SGCD: variants seen among roughly 807,000 people sequenced by gnomAD.
SGCD encodes the protein sarcoglycan delta.
Under a neutral mutation model 36.6 loss-of-function variants are expected in SGCD, and 18 were observed. That is an observed-to-expected ratio of 0.49 (90% CI 0.34 to 0.73). The LOEUF is 0.73. Among genes scored for constraint, SGCD ranks in the 30% least tolerant of loss-of-function variants. The probability of loss-of-function intolerance (pLI) is 0.01; values close to 1 mark genes in which losing one functional copy is unlikely to be tolerated. For synonymous variants in SGCD, 133 were observed against 130.6 expected, an observed-to-expected ratio of 1.02 and a Z score of -0.12; for missense variants, 387 against 346.7, an observed-to-expected ratio of 1.12 and a Z score of -0.92.
At chr5:156,374,800 A>T (rs1288870831) in intron 3 of SGCD, among the ~76,000 whole-genome samples, 4 of 151,810 alleles carry the variant, frequency 2.6e-5, no homozygotes, top group African/African-American at 9.7e-5. Flanking sequence ...TTTGCCCCTG[A>T]CATGCTGACA....
chr5:155,739,002 G>T, the SGCD span, among the ~76,000 whole-genome samples: 2 of 151,884 alleles, frequency 1.3e-5, no homozygotes, highest in Non-Finnish European at 2.9e-5. Context: ...GCCAGGGAAG[G>T]CTTCACTAAA....
the SGCD span, among the ~76,000 whole-genome samples, chr5:155,779,618 T>C: frequency 6.6e-6 from 1 of 152,168 alleles, no homozygotes; most frequent in Non-Finnish European, 1.5e-5. Context: ...CCTGCACATG[T>C]TCCCTTATAA....
chr5:156,103,804 G>A (rs1356001759), intron 1 of SGCD, among the ~76,000 whole-genome samples: 4 of 151,984 alleles, frequency 2.6e-5, no homozygotes, highest in Non-Finnish European at 4.4e-5. Flanking sequence ...CCTGGAAATT[G>A]GAATATTGTT....
chr5:156,094,191 G>A (rs993466415), intron 1 of SGCD, among the ~76,000 whole-genome samples: 2 of 152,172 alleles, frequency 1.3e-5, no homozygotes, highest in Non-Finnish European at 2.9e-5. Flanking sequence ...CGGGGCTGCT[G>A]CTGCAGCCTT....
At chr5:156,668,419 C>T (rs1377978272) in intron 7 of SGCD, among the ~76,000 whole-genome samples, 2 of 152,056 alleles carry the variant, frequency 1.3e-5, no homozygotes, top group African/African-American at 4.8e-5. Flanking sequence ...AGTATTTCTC[C>T]AGGATGCCTT....
At chr5:155,780,414 T>G in the SGCD span, among the ~76,000 whole-genome samples, 2 of 152,196 alleles carry the variant, frequency 1.3e-5, no homozygotes, top group Admixed American at 1.3e-4. Context: ...TTTCTTTCTC[T>G]GTAGCGGAAC....
At chr5:156,707,848 A>G (rs532970752) in intron 7 of SGCD, among the ~76,000 whole-genome samples, 33 of 152,352 alleles carry the variant, frequency 2.2e-4, no homozygotes, top group African/African-American at 7.7e-4. Flanking sequence ...TCTGCTAGTA[A>G]TAAGTAATTC....
chr5:156,179,029 C>T (rs1289082500), intron 3 of SGCD, among the ~76,000 whole-genome samples: 1 of 152,150 alleles, frequency 6.6e-6, no homozygotes, highest in Non-Finnish European at 1.5e-5. Context: ...ATGACAATCT[C>T]AGAATCAAAA....
intron 3 of SGCD, among the ~76,000 whole-genome samples, chr5:156,240,529 A>T (rs966519795): frequency 6.6e-6 from 1 of 152,180 alleles, no homozygotes; most frequent in African/African-American, 2.4e-5. Flanking sequence ...CAGTACAGAC[A>T]AGTGCTTCTC....
intron 7 of SGCD, among the ~76,000 whole-genome samples, chr5:156,696,682 G>T (rs900340470): frequency 6.6e-5 from 10 of 151,868 alleles, no homozygotes; most frequent in African/African-American, 2.4e-4. Flanking sequence ...GCTAATTTTT[G>T]TATTTTCAGT....
At chr5:155,867,453 T>A (rs1370852575), upstream of SGCD, among the ~76,000 whole-genome samples, 1 of 152,186 alleles carries the variant, frequency 6.6e-6, no homozygotes, top group Non-Finnish European at 1.5e-5. Context: ...TTGACAATGG[T>A]GAACTGGTGG....
At chr5:155,953,745 G>A (rs978869004) in intron 1 of SGCD, among the ~76,000 whole-genome samples, 3 of 152,182 alleles carry the variant, frequency 2.0e-5, no homozygotes, top group Non-Finnish European at 4.4e-5. Context: ...AGACCTCAGA[G>A]TTCCTTCCCT....
chr5:156,370,648 C>T (rs1770331756), intron 3 of SGCD, among the ~76,000 whole-genome samples: 1 of 152,142 alleles, frequency 6.6e-6, no homozygotes, highest in African/African-American at 2.4e-5. Context: ...ACCCTTTTGT[C>T]ACCTGCATGG....
At chr5:155,981,347 G>T (rs1758225600) in intron 1 of SGCD, among the ~76,000 whole-genome samples, 1 of 152,154 alleles carries the variant, frequency 6.6e-6, no homozygotes, top group African/African-American at 2.4e-5. Flanking sequence ...CCCAGCAGGT[G>T]TGGGTATAAT....
intron 1 of SGCD, among the ~76,000 whole-genome samples, chr5:156,092,674 A>G (rs1198838469): frequency 6.6e-6 from 1 of 152,192 alleles, no homozygotes; most frequent in Non-Finnish European, 1.5e-5. Context: ...AGTGAGTAGT[A>G]TTTGTAGCTG....
intron 7 of SGCD, among the ~76,000 whole-genome samples, chr5:156,665,275 C>A (rs903919609): frequency 6.6e-6 from 1 of 151,816 alleles, no homozygotes; most frequent in African/African-American, 2.4e-5. Flanking sequence ...TAATTCTGGA[C>A]CTTTTCCTTC....
chr5:155,945,983 C>T (rs989872816), intron 1 of SGCD, among the ~76,000 whole-genome samples: 32 of 151,992 alleles, frequency 2.1e-4, no homozygotes, highest in Admixed American at 2.0e-3. Flanking sequence ...GTGGATGGAT[C>T]GGAGAGATAT....
intron 1 of SGCD, among the ~76,000 whole-genome samples, chr5:156,328,221 A>G (rs1490878832): frequency 6.6e-6 from 1 of 152,222 alleles, no homozygotes; most frequent in Non-Finnish European, 1.5e-5. Flanking sequence ...TATGTACAGC[A>G]TTTAGAAAAC....
chr5:155,806,828 A>G, the SGCD span, among the ~76,000 whole-genome samples: 1 of 152,180 alleles, frequency 6.6e-6, no homozygotes, highest in African/African-American at 2.4e-5. Context: ...GGTTGCATTA[A>G]TTTCACTTAT....
Sources: allele counts gnomAD v4.1 joint callset (sites outside exome capture counted in the v4.1 genomes callset), GRCh38; gene constraint gnomAD v4.1.1; transcripts MANE v1.5; gene names NCBI Gene and HGNC (gene_info 2026-07-23, HGNC 2026-07-21).